ARMC8: variants seen among roughly 807,000 people sequenced by gnomAD.
ARMC8 encodes armadillo repeat containing 8, also known as armadillo repeat-containing protein 8.
Under a neutral mutation model 99.3 loss-of-function variants are expected in ARMC8, and 20 were observed. That is an observed-to-expected ratio of 0.20 (90% CI 0.14 to 0.29). The LOEUF (loss-of-function observed/expected upper bound fraction) is 0.29. Among genes scored for constraint, ARMC8 ranks in the 10% least tolerant of loss-of-function variants. The pLI, the probability that ARMC8 is intolerant of heterozygous loss-of-function variation, is 1.00. For missense variants in ARMC8, 569 were observed against 809.5 expected (o/e 0.70, Z 3.60); for synonymous variants, 263 against 278.3 (o/e 0.95, Z 0.55).
At chr3:138,187,690 A>G (rs13095374) in intron 1 of ARMC8, 91 bp downstream of exon 1, 109,737 of 1,399,346 alleles carry the variant, frequency 0.078, 5,037 homozygotes, top group Non-Finnish European at 0.093. Flanking sequence ...CCTCCTGGGC[A>G]CCACCCCCTG....
intron 12 of ARMC8, among the ~76,000 whole-genome samples, chr3:138,249,100 TTGA>T (rs1330031083): frequency 5.9e-5 from 9 of 152,128 alleles, no homozygotes; most frequent in Admixed American, 3.9e-4. Context: ...TAATAAATAA[TTGA>T]TGAATGAATG....
At chr3:138,218,365 C>T (rs2045200937) in intron 2 of ARMC8, among the ~76,000 whole-genome samples, 1 of 152,152 alleles carries the variant, frequency 6.6e-6, no homozygotes, top group Admixed American at 6.6e-5. Context: ...CTTAATCCAT[C>T]TCCCTTTAGT....
intron 19 of ARMC8, chr3:138,287,533 G>A (rs2050547210): frequency 2.4e-6 from 1 of 409,764 alleles, no homozygotes; most frequent in African/African-American, 2.1e-5. Flanking sequence ...CATAGTAAAT[G>A]CATATTTGTT....
intron 1 of ARMC8, chr3:138,187,941 C>T: frequency 2.8e-6 from 1 of 359,208 alleles, no homozygotes; most frequent in East Asian, 4.9e-5. Context: ...GATGCCGCTT[C>T]CCGGGGGCCG....
intron 11 of ARMC8, among the ~76,000 whole-genome samples, chr3:138,243,772 C>CTA (rs1160081312): frequency 6.6e-6 from 1 of 152,148 alleles, no homozygotes; most frequent in Admixed American, 6.5e-5. Flanking sequence ...ATTGATCAAG[C>CTA]TATACCACTG....
chr3:138,274,387 C>A, intron 17 of ARMC8, 62 bp from the exon 18 acceptor site: 3 of 1,089,804 alleles, frequency 2.8e-6, no homozygotes, highest in Non-Finnish European at 2.8e-6. Context: ...CTTTTAGAAG[C>A]CTTGTATTCG....
intron 14 of ARMC8, among the ~76,000 whole-genome samples, chr3:138,265,298 G>C (rs1475083665): frequency 6.6e-6 from 1 of 152,100 alleles, no homozygotes; most frequent in East Asian, 1.9e-4. Flanking sequence ...TCTGAATCAA[G>C]ACTTAGAGCA....
intron 9 of ARMC8, 74 bp from the exon 10 acceptor site, chr3:138,239,394 C>A: frequency 8.6e-7 from 1 of 1,164,520 alleles, no homozygotes; most frequent in Non-Finnish European, 1.2e-6. Flanking sequence ...TTAATAAAAT[C>A]TTAAAGGCAA....
intron 6 of ARMC8, among the ~76,000 whole-genome samples, chr3:138,233,034 A>G (rs1414410435): frequency 6.6e-6 from 1 of 152,176 alleles, no homozygotes; most frequent in Non-Finnish European, 1.5e-5. Flanking sequence ...AGGTAAGAAA[A>G]AAAGGGTCGA....
chr3:138,256,402 C>CTTTTTTTTTTTTTTT (rs71146121), intron 12 of ARMC8, among the ~76,000 whole-genome samples: 10 of 90,302 alleles, frequency 1.1e-4, no homozygotes, highest in African/African-American at 4.5e-4. Flanking sequence ...TTTCCTCCTT[C>CTTTTTTTTTTTTTTT]TTTTTTTTTT....
chr3:138,274,551 T>C lies in ARMC8; in HGVS notation c.1725+7T>C. The C allele has an allele frequency of 6.3e-7, 1 of 1,593,748 alleles. No individual in the cohort carries two copies. Among genetic ancestry groups the C allele is most frequent in the Non-Finnish European group, 8.6e-7 (1 of 1,162,650 alleles). On this transcript the variant is annotated splice_region_variant and intron_variant, in intron 18 of 21. Transcript: ENST00000469044. Reference sequence around the variant, plus strand: ...CATTGAGGTCAAAGAGCAGGTACGTTGTTCCTTTCTCTTGGGGAATATTTT... The same window carrying C: ...CATTGAGGTCAAAGAGCAGGTACGTCGTTCCTTTCTCTTGGGGAATATTTT...
intron 16 of ARMC8, among the ~76,000 whole-genome samples, chr3:138,271,569 C>T (rs1246403707): frequency 6.6e-6 from 1 of 152,152 alleles, no homozygotes; most frequent in East Asian, 1.9e-4. Context: ...TTATTCTCGT[C>T]AGTCTTCATA....
chr3:138,258,151 C>G (rs1322509503), intron 12 of ARMC8, among the ~76,000 whole-genome samples: 1 of 152,190 alleles, frequency 6.6e-6, no homozygotes, highest in East Asian at 1.9e-4. Context: ...TTGCCACCCA[C>G]TGCCTTGACA....
intron 2 of ARMC8, among the ~76,000 whole-genome samples, chr3:138,218,507 A>G (rs568610092): frequency 6.6e-6 from 1 of 152,194 alleles, no homozygotes; most frequent in South Asian, 2.1e-4. Flanking sequence ...TCTTGTATGA[A>G]CGATTTCTCC....
Position 138,195,385 on chromosome 3 carries a change from G to C in ARMC8, c.45+7786G>C, listed in dbSNP as rs185355153. 1.5e-3 allele frequency among the ~76,000 whole-genome samples: 228 copies of C among 152,074 alleles called. 1 individual carries two copies. The highest frequency in any genetic ancestry group is 5.2e-3 in the African/African-American group (215 of 41,514). Reference sequence around the variant, plus strand: ...TCTTTAATGGCAGTGTGTGAAAAATGAGAGGTGCTCATTGTATGTTTCTGG... The same window carrying C: ...TCTTTAATGGCAGTGTGTGAAAAATCAGAGGTGCTCATTGTATGTTTCTGG... On this transcript the variant is annotated intron_variant, in intron 1 of 21. Coordinates refer to ENST00000469044, the MANE Select transcript of ARMC8 (RefSeq NM_001363941.2).
At chr3:138,264,998 A>G (rs1351303883) in intron 14 of ARMC8, among the ~76,000 whole-genome samples, 1 of 151,804 alleles carries the variant, frequency 6.6e-6, no homozygotes, top group Non-Finnish European at 1.5e-5. Context: ...CCCCGGCCCA[A>G]GTGATTCTCC....
intron 15 of ARMC8, among the ~76,000 whole-genome samples, chr3:138,269,614 T>C (rs1321374590): frequency 2.0e-5 from 3 of 152,162 alleles, no homozygotes; most frequent in Non-Finnish European, 4.4e-5. Context: ...ACCAACCATA[T>C]TACTTCATAG....
intron 19 of ARMC8, among the ~76,000 whole-genome samples, chr3:138,288,388 T>C (rs2050621940): frequency 6.6e-6 from 1 of 152,254 alleles, no homozygotes; most frequent in Admixed American, 6.5e-5. Context: ...AATTGTCATA[T>C]GACAGTGTTT....
intron 10 of ARMC8, among the ~76,000 whole-genome samples, chr3:138,241,132 A>C (rs139014039): frequency 1.3e-5 from 2 of 152,368 alleles, no homozygotes; most frequent in African/African-American, 2.4e-5. Context: ...ACCATTGCCA[A>C]GATTTTTGAG....
Sources: allele counts gnomAD v4.1 joint callset (sites outside exome capture counted in the v4.1 genomes callset), GRCh38; gene constraint gnomAD v4.1.1; transcripts MANE v1.5; gene names NCBI Gene and HGNC (gene_info 2026-07-23, HGNC 2026-07-21).